RPL6: variants seen among roughly 807,000 people sequenced by gnomAD.
RPL6 encodes large ribosomal subunit protein eL6.
RPL6 carries 1 observed loss-of-function variant against 32.1 expected under a neutral mutation model. The ratio of observed to expected loss-of-function variants is 0.03; its 90% CI spans 0.01 to 0.15. RPL6 has a LOEUF of 0.15. RPL6 is among the 10% of genes least tolerant of loss of function. RPL6 has a pLI of 1.00. For synonymous variants in RPL6, 126 were observed against 131.6 expected (o/e 0.96, Z 0.29); for missense variants, 275 against 354.6 (o/e 0.78, Z 1.80).
chr12:112,415,735 T>C (rs1245693308), intron 1 of RPL6, among the ~76,000 whole-genome samples: 1 of 151,742 alleles, frequency 6.6e-6, no homozygotes, highest in Non-Finnish European at 1.5e-5. Context: ...AAAAAACTTT[T>C]TTTTTTTTGT....
At chr12:112,408,738 T>G in intron 1 of RPL6, 82 bp from the exon 2 acceptor site, 1 of 1,227,440 alleles carries the variant, frequency 8.1e-7, no homozygotes, top group Non-Finnish European at 1.1e-6. Context: ...TGTACATGAA[T>G]GGGCTGGGCT....
chr12:112,406,809 G>A lies in RPL6; in HGVS notation c.418C>T (p.Leu140=). The change falls in exon 4 of 7, where the codon CTG becomes TTG. Residue 140 remains leucine, a synonymous_variant. Coordinates refer to ENST00000202773, the MANE Select transcript of RPL6 (RefSeq NM_000970.6). ...GTCCCGGGGGTAATGCTGGCTCGCA[G>A]TTTTCTCACGTGCTGACTGAAGGGT... ...KKPFSQHVRK[L]RASITPGTIL... is the part of the protein sequence containing the mutation. 1 of 1,614,242 alleles carries A rather than the reference G, an allele frequency of 6.2e-7. No homozygotes were observed. Among genetic ancestry groups the A allele is most frequent in the Non-Finnish European group, 8.5e-7 (1 of 1,180,036 alleles).
rs1405424850 is a variant in RPL6, at chr12:112,408,358, T to A, written c.238-20A>T. 6 of 1,613,776 alleles carry A rather than the reference T, an allele frequency of 3.7e-6. No individual in the cohort carries two copies. The highest frequency in any genetic ancestry group is 5.1e-6 in the Non-Finnish European group (6 of 1,179,654). On this transcript the variant is annotated intron_variant, in intron 2 of 6. Coordinates refer to ENST00000202773, the MANE Select transcript of RPL6 (RefSeq NM_000970.6). ...TTCAACCTACAAGGACACAAATGCATCAACAGTAAGAGAATGCCAATTAAG... is the reference window on the plus strand; with the variant it reads ...TTCAACCTACAAGGACACAAATGCAACAACAGTAAGAGAATGCCAATTAAG...
At chr12:112,414,462 T>C (rs1390628215), upstream of RPL6, among the ~76,000 whole-genome samples, 1 of 152,248 alleles carries the variant, frequency 6.6e-6, no homozygotes, top group Non-Finnish European at 1.5e-5. Flanking sequence ...TAGCCAGCTT[T>C]TATCAAGTGC....
chr12:112,416,315 A>G (rs895783650), intron 1 of RPL6, among the ~76,000 whole-genome samples: 2 of 151,478 alleles, frequency 1.3e-5, no homozygotes, highest in East Asian at 1.9e-4. Flanking sequence ...AATCTTTTGT[A>G]TTTTTAGTAG....
chr12:112,414,460 T>C (rs1327232725), upstream of RPL6, among the ~76,000 whole-genome samples: 1 of 152,222 alleles, frequency 6.6e-6, no homozygotes, highest in Non-Finnish European at 1.5e-5. Flanking sequence ...GATAGCCAGC[T>C]TTTATCAAGT....
At chr12:112,410,135 TAAC>T (rs2037316465), upstream of RPL6, among the ~76,000 whole-genome samples, 1 of 150,416 alleles carries the variant, frequency 6.6e-6, no homozygotes, top group South Asian at 2.1e-4. Context: ...CTCAAAACAA[TAAC>T]AACAACAAAA....
chr12:112,409,534 G>C (rs2037295583), intron 1 of RPL6, 53 bp downstream of exon 1: 2 of 398,494 alleles, frequency 5.0e-6, no homozygotes, highest in African/African-American at 2.1e-5. Context: ...TTCGGATGGC[G>C]AAGGATTGGG....
chr12:112,410,551 G>A (rs1319393358), upstream of RPL6: 1 of 86,678 alleles, frequency 1.2e-5, no homozygotes, highest in African/African-American at 4.0e-5. Flanking sequence ...ATAAGTGTTA[G>A]CTCTTTTTTT....
upstream of RPL6, among the ~76,000 whole-genome samples, chr12:112,415,106 G>A (rs996862827): frequency 6.6e-6 from 1 of 152,126 alleles, no homozygotes; most frequent in Non-Finnish European, 1.5e-5. Context: ...GAGTTGATGT[G>A]GAGGACAGTC....
intron 6 of RPL6, 187 bp from the exon 7 acceptor site, chr12:112,405,563 C>T: frequency 1.5e-6 from 1 of 674,120 alleles, no homozygotes; most frequent in Non-Finnish European, 2.5e-6. Flanking sequence ...ATAAAAGTAG[C>T]TCTTAAGCTT....
At chr12:112,407,097 A>T in intron 3 of RPL6, 4 of 513,828 alleles carry the variant, frequency 7.8e-6, no homozygotes, top group Non-Finnish European at 1.4e-5. Context: ...GACACCATTT[A>T]ATGAATGAGA....
upstream of RPL6, chr12:112,411,466 A>T (rs868281549): frequency 2.6e-5 from 4 of 152,366 alleles, no homozygotes; most frequent in Middle Eastern, 6.8e-3. Context: ...TACAATGATC[A>T]GATGAACACT....
At chr12:112,406,118 T>C (rs955177354) in intron 5 of RPL6, 81 bp from the exon 6 acceptor site, 7 of 1,344,262 alleles carry the variant, frequency 5.2e-6, no homozygotes, top group Non-Finnish European at 7.3e-6. Flanking sequence ...ACTTGTTATG[T>C]TGCTACACAA....
intron 4 of RPL6, 121 bp from the exon 5 acceptor site, chr12:112,406,463 G>A: frequency 1.9e-5 from 17 of 907,342 alleles, no homozygotes; most frequent in South Asian, 1.4e-4. Flanking sequence ...TATACAGCTC[G>A]GCAGTTCTGG....
chr12:112,410,552 C>CTTTT (rs1288592111), upstream of RPL6: 1 of 60,114 alleles, frequency 1.7e-5, no homozygotes, highest in African/African-American at 5.3e-5. Flanking sequence ...TAAGTGTTAG[C>CTTTT]TCTTTTTTTT....
upstream of RPL6, among the ~76,000 whole-genome samples, chr12:112,410,854 C>T (rs376111385): frequency 9.2e-5 from 14 of 152,172 alleles, no homozygotes; most frequent in South Asian, 2.1e-3. Flanking sequence ...GGATTACAGG[C>T]GTGAGCCACC....
chr12:112,413,264 C>T (rs780213615), upstream of RPL6, among the ~76,000 whole-genome samples: 12 of 152,086 alleles, frequency 7.9e-5, no homozygotes, highest in African/African-American at 2.4e-4. Context: ...TGGCCGGGTG[C>T]GGTGGCTCAC....
At chr12:112,412,145 T>C (rs2037348189), upstream of RPL6, among the ~76,000 whole-genome samples, 1 of 152,136 alleles carries the variant, frequency 6.6e-6, no homozygotes, top group South Asian at 2.1e-4. Context: ...GTTCACGCCA[T>C]TCTCCTGCCT....
Sources: allele counts gnomAD v4.1 joint callset (sites outside exome capture counted in the v4.1 genomes callset), GRCh38; gene constraint gnomAD v4.1.1; transcripts MANE v1.5; gene names NCBI Gene and HGNC (gene_info 2026-07-23, HGNC 2026-07-21).